Variants in ATXN7L1 observed in about 807,000 individuals in gnomAD.
The protein encoded by ATXN7L1 is ataxin-7-like protein 1.
In ATXN7L1, 15 loss-of-function variants were observed where a neutral mutation model predicts 70.8. The ratio of observed to expected loss-of-function variants is 0.21; its 90% CI spans 0.14 to 0.33. The LOEUF is 0.33. ATXN7L1 is among the 10% of genes least tolerant of loss of function. ATXN7L1 has a pLI of 1.00. For synonymous variants in ATXN7L1, 440 were observed against 445.1 expected (o/e 0.99, Z 0.14); for missense variants, 975 against 1,097.1 (o/e 0.89, Z 1.57).
intron 2 of ATXN7L1, among the ~76,000 whole-genome samples, chr7:105,842,169 T>C (rs212412): frequency 0.38 from 57,229 of 151,188 alleles, 11,300 homozygotes; most frequent in Non-Finnish European, 0.42. Context: ...ATTGTCATCT[T>C]ACAGCAATAA....
At chr7:105,680,538 G>T (rs1399593677) in intron 3 of ATXN7L1, among the ~76,000 whole-genome samples, 2 of 152,162 alleles carry the variant, frequency 1.3e-5, no homozygotes, top group African/African-American at 4.8e-5. Flanking sequence ...AATGTAGTAG[G>T]GGGGTGTTGA....
At chr7:105,767,938 G>A (rs1801496722) in intron 3 of ATXN7L1, among the ~76,000 whole-genome samples, 1 of 152,222 alleles carries the variant, frequency 6.6e-6, no homozygotes, top group South Asian at 2.1e-4. Context: ...AAAAGACAGA[G>A]GCTCATCTCC....
intron 3 of ATXN7L1, among the ~76,000 whole-genome samples, chr7:105,676,163 C>T (rs939515956): frequency 3.3e-5 from 5 of 152,190 alleles, no homozygotes; most frequent in African/African-American, 7.2e-5. Context: ...GCCAGAACCA[C>T]GATCCTCTTC....
intron 2 of ATXN7L1, among the ~76,000 whole-genome samples, chr7:105,831,528 C>A (rs935521506): frequency 1.3e-5 from 2 of 152,140 alleles, no homozygotes; most frequent in Non-Finnish European, 2.9e-5. Flanking sequence ...CTCTGGGATG[C>A]TTTTTGTTAA....
chr7:105,662,023 TTTCTTTCC>T (rs754762470), intron 4 of ATXN7L1, among the ~76,000 whole-genome samples: 8,642 of 64,494 alleles, frequency 0.13, 313 homozygotes, highest in East Asian at 0.19. Context: ...TCTTTCTTTC[TTTCTTTCC>T]TTCCTTCCTT....
chr7:105,799,170 A>G (rs1295698907), intron 2 of ATXN7L1, among the ~76,000 whole-genome samples: 3 of 152,234 alleles, frequency 2.0e-5, no homozygotes, highest in Non-Finnish European at 4.4e-5. Flanking sequence ...GGTGCCTTAC[A>G]TGTGCAGGAA....
chr7:105,865,147 C>T (rs931680860), intron 2 of ATXN7L1, among the ~76,000 whole-genome samples: 3 of 152,188 alleles, frequency 2.0e-5, no homozygotes, highest in African/African-American at 4.8e-5. Flanking sequence ...GTAAAAACAA[C>T]GATCATCACA....
At chr7:105,835,625 C>T (rs1166306928) in intron 2 of ATXN7L1, among the ~76,000 whole-genome samples, 2 of 152,194 alleles carry the variant, frequency 1.3e-5, no homozygotes, top group Non-Finnish European at 2.9e-5. Context: ...TCACTTCACA[C>T]ACTGGTCTTA....
intron 7 of ATXN7L1, among the ~76,000 whole-genome samples, chr7:105,633,982 C>T (rs992019180): frequency 6.6e-6 from 1 of 152,146 alleles, no homozygotes; most frequent in South Asian, 2.1e-4. Flanking sequence ...TTTTTGGGCT[C>T]ATTTCCCTCA....
At chr7:105,616,849 G>A (rs1227465559) in intron 9 of ATXN7L1, among the ~76,000 whole-genome samples, 3 of 152,206 alleles carry the variant, frequency 2.0e-5, no homozygotes, top group African/African-American at 4.8e-5. Context: ...TTGCCTTGCT[G>A]TGGTACTATA....
chr7:105,687,789 A>G (rs1790145925), intron 3 of ATXN7L1, among the ~76,000 whole-genome samples: 1 of 152,184 alleles, frequency 6.6e-6, no homozygotes. Flanking sequence ...GTTTCAGAGC[A>G]GTGTGACAGA....
Position 105,870,051 on chromosome 7 carries a change from G to A in ATXN7L1, c.250+5761C>T, listed in dbSNP as rs528114331. 1.1e-3 allele frequency among the ~76,000 whole-genome samples: 162 copies of A among 152,274 alleles called. 3 individuals are homozygous for A. The highest frequency in any genetic ancestry group is 0.01 in the Middle Eastern group (3 of 292). ...AATCCCAGCACTTTGGGAGGCCGAG[G>A]CGGGCGGATCACAAAGTTAGGAGAT... On this transcript the variant is annotated intron_variant, in intron 2 of 11. Transcript: ENST00000419735.
At position 105,797,054 on chromosome 7, in the gene ATXN7L1, G is replaced by A. The variant is rs564213128; in HGVS notation, c.251-8346C>T. On this transcript the variant is annotated intron_variant, in intron 2 of 11. Transcript: ENST00000419735. ...TCTGCAAAGGGAAAATGAAGGAAGA[G>A]AACTAGAAAAGCAAGCAGCAGCGGT... 3.3e-5 allele frequency among the ~76,000 whole-genome samples: 5 copies of A among 152,330 alleles called. No individual in the cohort carries two copies. In the East Asian group the frequency reaches 9.6e-4, roughly 29 times the overall value.
At position 105,671,299 on chromosome 7, in the gene ATXN7L1, T is replaced by G. The variant is rs371358533; in HGVS notation, c.356-6011A>C. On this transcript the variant is annotated intron_variant, in intron 3 of 11. Coordinates refer to ENST00000419735, the MANE Select transcript of ATXN7L1 (RefSeq NM_020725.2). ...TCCGTCTCAAAAAAAAAAAAAAAATTTATTTAAAAAGTGATTCAGAATTAT... is the reference window on the plus strand; with the variant it reads ...TCCGTCTCAAAAAAAAAAAAAAAATGTATTTAAAAAGTGATTCAGAATTAT... Among the ~76,000 whole-genome samples the G allele has an allele frequency of 4.6e-5, 7 of 150,826 alleles. No homozygotes were observed. The East Asian group carries it at 5.9e-4, about 13-fold the overall frequency.
At chr7:105,730,774 C>G (rs1796446346) in intron 3 of ATXN7L1, among the ~76,000 whole-genome samples, 1 of 151,666 alleles carries the variant, frequency 6.6e-6, no homozygotes. Flanking sequence ...GGAGACATGA[C>G]AACTAAATGT....
At chr7:105,639,115 C>A (rs1048770555) in intron 6 of ATXN7L1, among the ~76,000 whole-genome samples, 1 of 152,168 alleles carries the variant, frequency 6.6e-6, no homozygotes, top group Non-Finnish European at 1.5e-5. Context: ...GGCATATCAT[C>A]CTCCCCTCCA....
chr7:105,688,405 T>C (rs996011740), intron 3 of ATXN7L1, among the ~76,000 whole-genome samples: 1 of 152,134 alleles, frequency 6.6e-6, no homozygotes, highest in Admixed American at 6.5e-5. Context: ...TAGCTGGGCA[T>C]GGTGGCACAT....
chr7:105,662,079 C>CTTCT (rs1562967721), intron 4 of ATXN7L1, among the ~76,000 whole-genome samples: 1 of 73,020 alleles, frequency 1.4e-5, no homozygotes, highest in Non-Finnish European at 3.0e-5. Flanking sequence ...TCCTTCCTTC[C>CTTCT]TTCTTTCTTT....
intron 11 of ATXN7L1, among the ~76,000 whole-genome samples, chr7:105,609,834 C>T (rs1311308547): frequency 6.6e-6 from 1 of 152,008 alleles, no homozygotes; most frequent in Non-Finnish European, 1.5e-5. Flanking sequence ...TGCAGTGGTG[C>T]AATCTCAGCT....
Sources: gnomAD v4.1 joint callset for allele counts (sites outside exome capture counted in the v4.1 genomes callset) on GRCh38, gnomAD v4.1.1 for gene constraint, MANE v1.5 for transcripts, NCBI Gene and HGNC (gene_info 2026-07-23, HGNC 2026-07-21) for gene names.